Variants in VPS53 observed in about 807,000 individuals in gnomAD.
The protein encoded by VPS53 is VPS53 subunit of GARP complex.
Under a neutral mutation model 107.0 loss-of-function variants are expected in VPS53, and 70 were observed. That is an observed-to-expected ratio of 0.65 (90% CI 0.54 to 0.80). The LOEUF is 0.80. Ranked by LOEUF, VPS53 falls within the 30% of genes least tolerant of loss-of-function variation. The pLI is 0.00. For missense variants in VPS53, 917 were observed against 1,049.4 expected (o/e 0.87, Z 1.74); for synonymous variants, 409 against 393.3 (o/e 1.04, Z -0.47).
chr17:606,462 TAC>T (rs1968584335), intron 11 of VPS53, among the ~76,000 whole-genome samples: 1 of 152,050 alleles, frequency 6.6e-6, no homozygotes, highest in Non-Finnish European at 1.5e-5. Context: ...AGGCGTGAGC[TAC>T]ACAGTTACGT....
chr17:705,546 C>T (rs1034381483), intron 2 of VPS53: 6 of 152,166 alleles, frequency 3.9e-5, no homozygotes, highest in African/African-American at 1.4e-4. Context: ...ACCATCCTAT[C>T]CTGGCCAACA....
At position 516,285 on chromosome 17, in the gene VPS53, TAAA is replaced by T. The variant is rs1908305255; in HGVS notation, c.*2840_*2842del. On this transcript the variant is annotated 3_prime_UTR_variant, in exon 22 of 22. Coordinates refer to ENST00000437048, the MANE Select transcript of VPS53 (RefSeq NM_001128159.3). The stretch of plus-strand genomic sequence containing the variant: ...TGTTGCAGTGGTTCTTAACAAGGTG[TAAA>T]CGTTATAACTACCTATGGAACTTTT... The T allele has an allele frequency of 6.6e-6, 1 of 152,122 alleles. No individual in the cohort carries two copies. The highest frequency in any genetic ancestry group is 2.4e-5 in the African/African-American group (1 of 41,422). The allele number at this position is 152,122 out of a possible 1,614,324, so 9.4% of individuals were successfully genotyped here.
In VPS53 at chr17:628,138, T is replaced by C. The variant is rs1175189757; in HGVS notation, c.781A>G (p.Ile261Val). The C allele has an allele frequency of 6.2e-7, 1 of 1,614,024 alleles. No homozygotes were observed. The highest frequency in any genetic ancestry group is 1.3e-5 in the African/African-American group (1 of 75,072). The change falls in exon 9 of 22, where the codon ATT becomes GTT. Residue 261 changes from isoleucine to valine, a missense_variant. By Grantham distance (29) the Ile-to-Val change is conservative (BLOSUM62 3). Coordinates refer to ENST00000437048, the MANE Select transcript of VPS53 (RefSeq NM_001128159.3). Reference protein sequence around the residue: ...RIKQEIIKKFIKQHLSEYLVL... With the variant: ...RIKQEIIKKFVKQHLSEYLVL... Reference sequence around the variant, plus strand: ...AGATACTCTGACAGATGCTGTTTAATAAACTTTTTGATGATTTCCTGTTTG... The same window carrying C: ...AGATACTCTGACAGATGCTGTTTAACAAACTTTTTGATGATTTCCTGTTTG...
At chr17:658,643 A>ACAC (rs1971310371) in intron 5 of VPS53, among the ~76,000 whole-genome samples, 6 of 145,852 alleles carry the variant, frequency 4.1e-5, no homozygotes, top group African/African-American at 1.5e-4. Flanking sequence ...CTAAAGTGAG[A>ACAC]TACTCGGCCG....
intron 13 of VPS53, among the ~76,000 whole-genome samples, chr17:579,721 G>T (rs955138642): frequency 6.7e-6 from 1 of 150,066 alleles, no homozygotes; most frequent in Admixed American, 6.6e-5. Context: ...GACCTAATGC[G>T]TTCTCAGAGA....
intron 12 of VPS53, among the ~76,000 whole-genome samples, chr17:586,894 T>A (rs549161565): frequency 9.9e-5 from 15 of 152,224 alleles, no homozygotes; most frequent in Non-Finnish European, 2.1e-4. Context: ...AAACTAGAAC[T>A]CTTTCTGTTA....
At chr17:604,291 C>T (rs558329204) in intron 11 of VPS53, among the ~76,000 whole-genome samples, 64 of 152,106 alleles carry the variant, frequency 4.2e-4, no homozygotes, top group Non-Finnish European at 1.5e-4. Flanking sequence ...GAAGTCAAAC[C>T]TACTCTCACT....
intron 10 of VPS53, among the ~76,000 whole-genome samples, chr17:623,977 C>T (rs956260251): frequency 1.3e-5 from 2 of 150,372 alleles, no homozygotes; most frequent in East Asian, 1.9e-4. Flanking sequence ...CTCCCTCTGT[C>T]GCCCAGGCTG....
chr17:697,461 G>C lies in VPS53; in HGVS notation c.242C>G (p.Thr81Ser), dbSNP rs763928184. 1 of 1,613,938 alleles carries C rather than the reference G, an allele frequency of 6.2e-7. No homozygotes were observed. Among genetic ancestry groups the C allele is most frequent in the Non-Finnish European group, 8.5e-7 (1 of 1,179,790 alleles). Residue 81 changes from threonine to serine, a missense_variant, in exon 4 of 22, where the codon ACT (threonine) becomes AGT (serine). Thr to Ser is a moderately conservative substitution (Grantham distance 58). Coordinates refer to ENST00000437048, the MANE Select transcript of VPS53 (RefSeq NM_001128159.3). ...CACGTTCGTCTGACCTCTTACAACA[G>C]TTCGAATATTGTCATCCAGTCTCCT... ...KIRRLDDNIR[T>S]VVRGQTNVGQ...
At position 631,408 on chromosome 17, in the gene VPS53, T is replaced by C; in HGVS notation, c.687+142A>G. ...GGGACATTTAAAATCCAGGGTGGTCTCATTACCCTGAACCTGCAGCAGAAG... is the reference window on the plus strand; with the variant it reads ...GGGACATTTAAAATCCAGGGTGGTCCCATTACCCTGAACCTGCAGCAGAAG... On this transcript the variant is annotated intron_variant, in intron 8 of 21. Transcript: ENST00000437048. 3 of 802,604 alleles carry C rather than the reference T, an allele frequency of 3.7e-6. No homozygotes were observed. In the South Asian group the frequency reaches 4.7e-5, roughly 13 times the overall value. The allele number at this position is 802,604 out of a possible 1,614,324, so 49.7% of individuals were successfully genotyped here.
At chr17:617,102 C>T (rs951813061) in intron 11 of VPS53, among the ~76,000 whole-genome samples, 6 of 152,320 alleles carry the variant, frequency 3.9e-5, no homozygotes, top group Admixed American at 2.0e-4. Flanking sequence ...GGATTACCAG[C>T]TCACAGAGCC....
chr17:564,924 G>C (rs1913350437), intron 13 of VPS53, among the ~76,000 whole-genome samples: 1 of 152,162 alleles, frequency 6.6e-6, no homozygotes, highest in African/African-American at 2.4e-5. Flanking sequence ...AGAATGGGAA[G>C]GGTTCCCACC....
intron 4 of VPS53, among the ~76,000 whole-genome samples, chr17:682,821 GTCTCAAAGAGGAGCCATTTGGTATAAATA>G (rs1324889258): frequency 7.0e-6 from 1 of 143,872 alleles, no homozygotes; most frequent in Non-Finnish European, 1.5e-5. Context: ...AACAGAACCT[GTCTCAAAGAGGAGCCATTTGGTATAAATA>G]TTAGATAGGC....
At chr17:641,131 C>T (rs958048973) in intron 7 of VPS53, among the ~76,000 whole-genome samples, 3 of 152,316 alleles carry the variant, frequency 2.0e-5, no homozygotes, top group Non-Finnish European at 2.9e-5. Flanking sequence ...GCTGGGATTA[C>T]AGGCGTGAGT....
At chr17:532,788 C>G in intron 19 of VPS53, 54 bp downstream of exon 19, 2 of 1,605,894 alleles carry the variant, frequency 1.2e-6, no homozygotes, top group Non-Finnish European at 1.7e-6. Context: ...AGAATATGTG[C>G]TTGATCTACA....
Position 553,443 on chromosome 17 carries a change from T to G in VPS53, c.1724A>C (p.Glu575Ala). ...TTQQLEEKLK[E>A]KVDVSLIERI... is the part of the protein sequence containing the mutation. ...TTCAATCAGACTTACATCCACTTTT[T>G]CTTTGAGTTTTTCTTCTAGCTGTTG... The change falls in exon 16 of 22, where the codon GAA becomes GCA. Residue 575 changes from glutamate to alanine, a missense_variant. By Grantham distance (107) the Glu-to-Ala change is moderately radical. Coordinates refer to ENST00000437048, the MANE Select transcript of VPS53 (RefSeq NM_001128159.3). The G allele has an allele frequency of 1.2e-6, 2 of 1,614,036 alleles. No individual in the cohort carries two copies. Among genetic ancestry groups the G allele is most frequent in the Non-Finnish European group, 1.7e-6 (2 of 1,180,012 alleles).
At chr17:696,874 C>A (rs1164656663) in intron 4 of VPS53, among the ~76,000 whole-genome samples, 1 of 144,872 alleles carries the variant, frequency 6.9e-6, no homozygotes, top group African/African-American at 2.6e-5. Flanking sequence ...CTCACTGCAA[C>A]CTCTGGCTCC....
At chr17:629,016 G>T (rs1236985587) in intron 8 of VPS53, among the ~76,000 whole-genome samples, 1 of 152,158 alleles carries the variant, frequency 6.6e-6, no homozygotes. Context: ...TCTACTCCTG[G>T]CTTGGCTAAA....
chr17:670,974 TAA>T (rs1257316746), intron 4 of VPS53, among the ~76,000 whole-genome samples: 1 of 152,190 alleles, frequency 6.6e-6, no homozygotes, highest in East Asian at 1.9e-4. Flanking sequence ...CTCACGCCTG[TAA>T]TCCCAGCACT....
Sources: allele counts gnomAD v4.1 joint callset (sites outside exome capture counted in the v4.1 genomes callset), GRCh38; gene constraint gnomAD v4.1.1; transcripts MANE v1.5; gene names NCBI Gene and HGNC (gene_info 2026-07-23, HGNC 2026-07-21).